Variants in GAPDHS observed in about 807,000 individuals in gnomAD.
GAPDHS encodes the protein glyceraldehyde-3-phosphate dehydrogenase, spermatogenic.
A neutral mutation model predicts 48.7 loss-of-function variants in GAPDHS; 42 were observed. The observed-to-expected ratio is 0.86, with a 90% CI of 0.67 to 1.12. GAPDHS has a LOEUF of 1.12. GAPDHS is among the 50% of genes most tolerant of loss of function. GAPDHS has a pLI of 0.00. For missense variants in GAPDHS, 512 were observed against 557.7 expected (o/e 0.92, Z 0.82); for synonymous variants, 166 against 219.1 (o/e 0.76, Z 2.14).
chr19:35,538,709 C>T (rs774233244), intron 4 of GAPDHS, 26 bp downstream of exon 4: 14 of 1,325,484 alleles, frequency 1.1e-5, no homozygotes, highest in Admixed American at 6.7e-5. Context: ...GTCTGATGCA[C>T]GGCTGTGACA....
chr19:35,544,089 C>T lies in GAPDHS; in HGVS notation c.1056+262C>T, dbSNP rs1288939309. 3 of 446,064 alleles carry T rather than the reference C, an allele frequency of 6.7e-6. No homozygotes were observed. The East Asian group carries it at 1.2e-4, about 18-fold the overall frequency. 27.6% of individuals were successfully genotyped at this position (446,064 alleles called of 1,614,324 possible). The stretch of plus-strand genomic sequence containing the variant: ...GCAAGGCACCCCCTCAAAATATGTT[C>T]TTTTTGTGGCCATATTCCTCACCTG... On this transcript the variant is annotated intron_variant, in intron 9 of 10. Coordinates refer to ENST00000222286, the MANE Select transcript of GAPDHS (RefSeq NM_014364.5).
At chr19:35,543,247 C>T in intron 7 of GAPDHS, 93 bp from the exon 8 acceptor site, 2 of 1,470,172 alleles carry the variant, frequency 1.4e-6, no homozygotes, top group South Asian at 2.3e-5. Flanking sequence ...CCCCACCAGC[C>T]TCCACACCTA....
At chr19:35,540,496 C>A (rs11882238) in intron 4 of GAPDHS, among the ~76,000 whole-genome samples, 55,238 of 151,920 alleles carry the variant, frequency 0.36, 10,505 homozygotes, top group East Asian at 0.64. Context: ...GAGAAGAGCT[C>A]GTTGGGCCAG....
intron 2 of GAPDHS, among the ~76,000 whole-genome samples, chr19:35,537,676 T>G (rs937746404): frequency 6.6e-6 from 1 of 152,180 alleles, no homozygotes; most frequent in Non-Finnish European, 1.5e-5. Context: ...GACCAGGAGT[T>G]TGAGACCAGC....
At chr19:35,536,721 A>C in intron 1 of GAPDHS, 92 bp from the exon 2 acceptor site, 1 of 1,085,034 alleles carries the variant, frequency 9.2e-7, no homozygotes, top group Non-Finnish European at 1.4e-6. Context: ...ACGAGGGGCC[A>C]GGAGCCAGCA....
At position 35,543,396 on chromosome 19, in the gene GAPDHS, G is replaced by A. The variant is rs1358186777; in HGVS notation, c.798G>A (p.Lys266=). 6.2e-7 allele frequency: 1 copy of A among 1,612,236 alleles called. No individual in the cohort carries two copies. The highest frequency in any genetic ancestry group is 1.3e-5 in the African/African-American group (1 of 74,790). The change falls in exon 8 of 11, where the codon AAG becomes AAA. Residue 266 remains lysine, a synonymous_variant. Transcript: ENST00000222286. ...TQKTVDGPSR[K]AWRDGRGAHQ... is the part of the protein sequence containing the mutation. ...AGACAGTGGACGGGCCATCAAGGAA[G>A]GCCTGGCGAGATGGGCGGGGTGCCC...
At chr19:35,533,693 CG>C in intron 1 of GAPDHS, 99 bp downstream of exon 1, 1 of 891,076 alleles carries the variant, frequency 1.1e-6, no homozygotes, top group Non-Finnish European at 1.7e-6. Context: ...CCCTTCCTGG[CG>C]TGTGCACCAT....
At chr19:35,543,196 C>G in intron 7 of GAPDHS, 144 bp from the exon 8 acceptor site, 2 of 1,098,246 alleles carry the variant, frequency 1.8e-6, no homozygotes, top group Non-Finnish European at 2.8e-6. Flanking sequence ...AAGGCTGGAC[C>G]CTGGCCTGCA....
Position 35,545,146 on chromosome 19 carries a change from C to A in GAPDHS, c.1203C>A (p.Arg401=). ...GYSHRVVDLL[R]YMFSRDK ...GTCACCGGGTGGTCGACCTCCTCCG[C>A]TACATGTTCAGCCGAGACAAGTGAA... Residue 401 remains arginine (R), a synonymous_variant, in exon 11 of 11, where the codon CGC becomes CGA. Coordinates refer to ENST00000222286, the MANE Select transcript of GAPDHS (RefSeq NM_014364.5). The A allele has an allele frequency of 1.2e-6, 2 of 1,613,948 alleles. No homozygotes were observed. Among genetic ancestry groups the A allele is most frequent in the Non-Finnish European group, 1.7e-6 (2 of 1,179,808 alleles).
At chr19:35,542,745 TC>T in intron 6 of GAPDHS, 137 bp downstream of exon 6, 1 of 758,282 alleles carries the variant, frequency 1.3e-6, no homozygotes, top group African/African-American at 1.7e-5. Context: ...ACGCATGACT[TC>T]CAGAGGACAA....
Position 35,534,883 on chromosome 19 carries a change from C to A in GAPDHS, c.67+1289C>A, listed in dbSNP as rs2871992. On this transcript the variant is annotated intron_variant, in intron 1 of 10. Coordinates refer to ENST00000222286, the MANE Select transcript of GAPDHS (RefSeq NM_014364.5). ...CCCAGCCCCACCACCCCCCAGGTGC[C>A]TTTGATTTGGTGCCAAAAACTTGGA... Among the ~76,000 whole-genome samples the A allele has an allele frequency of 4.4e-3, 669 of 151,710 alleles. 10 individuals carry two copies. Among genetic ancestry groups the A allele is most frequent in the African/African-American group, 0.016 (650 of 41,320 alleles).
At chr19:35,543,212 C>T (rs1367004629) in intron 7 of GAPDHS, 128 bp from the exon 8 acceptor site, 3 of 1,167,318 alleles carry the variant, frequency 2.6e-6, no homozygotes. Flanking sequence ...CTGCACACAT[C>T]CCCTCCTGTG....
At chr19:35,543,155 A>T in intron 7 of GAPDHS, 129 bp downstream of exon 7, 1 of 958,784 alleles carries the variant, frequency 1.0e-6, no homozygotes, top group Non-Finnish European at 1.7e-6. Context: ...CCAGTGCAGA[A>T]GTCACTTAAA....
In GAPDHS at chr19:35,542,976, C is replaced by T. The variant is rs538045888; in HGVS notation, c.691C>T (p.Pro231Ser). 4.3e-6 allele frequency: 7 copies of T among 1,614,050 alleles called. No homozygotes were observed. The South Asian group carries it at 7.7e-5, about 18-fold the overall frequency. The change falls in exon 7 of 11, where the codon CCC (proline) becomes TCC (serine). Residue 231 changes from proline (P) to serine (S), a missense_variant. Coordinates refer to ENST00000222286, the MANE Select transcript of GAPDHS (RefSeq NM_014364.5). ...GTCCTGCACCACCAACTGTTTGGCTCCCCTCGCCAAAGTCATCCACGAGCG... is the reference window on the plus strand; with the variant it reads ...GTCCTGCACCACCAACTGTTTGGCTTCCCTCGCCAAAGTCATCCACGAGCG... ...NASCTTNCLA[P>S]LAKVIHERFG...
At chr19:35,537,111 G>A (rs2071471177) in intron 2 of GAPDHS, 121 bp downstream of exon 2, 1 of 800,248 alleles carries the variant, frequency 1.2e-6, no homozygotes, top group Non-Finnish European at 2.0e-6. Flanking sequence ...CGACCCTGGA[G>A]AAATAGCCCG....
Position 35,539,767 on chromosome 19 carries a change from TGAA to T in GAPDHS, c.449+1088_449+1090del, listed in dbSNP as rs548441505. Among the ~76,000 whole-genome samples the T allele has an allele frequency of 5.3e-5, 8 of 152,182 alleles. No homozygotes were observed. In the East Asian group the frequency reaches 1.5e-3, roughly 29 times the overall value. ...CAGAGACTGGAGAGTCAGTGAAAAT[TGAA>T]GAAAGCTGCTTAACCCAAGTTTGAA... On this transcript the variant is annotated intron_variant, in intron 4 of 10. Transcript: ENST00000222286.
rs1279133472 is a variant in GAPDHS at position 35,543,434 on chromosome 19, T to C, written c.836T>C (p.Ile279Thr). ...GGGCGGGGTGCCCACCAGAACATCA[T>C]CCCAGCCTCCACTGGGGCTGCGAAA... Reference protein sequence around the residue: ...RDGRGAHQNIIPASTGAAKAV... With the variant: ...RDGRGAHQNITPASTGAAKAV... The change falls in exon 8 of 11, where the codon ATC (isoleucine) becomes ACC (threonine). Residue 279 changes from isoleucine to threonine, a missense_variant. By Grantham distance (89) the Ile-to-Thr change is moderately conservative (BLOSUM62 -1). Coordinates refer to ENST00000222286, the MANE Select transcript of GAPDHS (RefSeq NM_014364.5). The C allele has an allele frequency of 6.2e-7, 1 of 1,610,218 alleles. No individual in the cohort carries two copies. Among genetic ancestry groups the C allele is most frequent in the African/African-American group, 1.3e-5 (1 of 74,566 alleles).
Position 35,536,899 on chromosome 19 carries a change from A to G in GAPDHS, c.154A>G (p.Lys52Glu). 6.2e-7 allele frequency: 1 copy of G among 1,613,870 alleles called. No individual in the cohort carries two copies. The highest frequency in any genetic ancestry group is 8.5e-7 in the Non-Finnish European group (1 of 1,179,928). Residue 52 changes from lysine (K) to glutamate (E), a missense_variant, in exon 2 of 11, where the codon AAG (lysine) becomes GAG (glutamate). Coordinates refer to ENST00000222286, the MANE Select transcript of GAPDHS (RefSeq NM_014364.5). ...PEPTPVREEI[K>E]PPPPPLPPHP... ...GCCCACACCAGTCAGGGAGGAAATA[A>G]AGCCACCACCGCCACCACTGCCTCC... is the stretch of plus-strand genomic sequence containing the variant.
chr19:35,542,570 T>C lies in GAPDHS; in HGVS notation c.621T>C (p.Asn207=), dbSNP rs1177347292. Residue 207 remains asparagine, a synonymous_variant, in exon 6 of 11, where the codon AAT becomes AAC. Coordinates refer to ENST00000222286, the MANE Select transcript of GAPDHS (RefSeq NM_014364.5). ...CACCAATGTTCGTCATGGGTGTCAA[T>C]GAAAATGACTATAACCCTGGCTCCA... The part of the protein sequence containing the change: ...PDAPMFVMGV[N]ENDYNPGSMN... 1 of 1,613,340 alleles carries C rather than the reference T, an allele frequency of 6.2e-7. No homozygotes were observed. Among genetic ancestry groups the C allele is most frequent in the Non-Finnish European group, 8.5e-7 (1 of 1,179,442 alleles).
Sources: gnomAD v4.1 joint callset for allele counts (sites outside exome capture counted in the v4.1 genomes callset) on GRCh38, gnomAD v4.1.1 for gene constraint, MANE v1.5 for transcripts, NCBI Gene and HGNC (gene_info 2026-07-23, HGNC 2026-07-21) for gene names.